The following USP32 variants were observed in gnomAD, a reference collection of about 807,000 sequenced individuals.
The protein encoded by USP32 is ubiquitin specific peptidase 32.
In USP32, 59 loss-of-function variants were observed where a neutral mutation model predicts 204.8. That is an observed-to-expected ratio of 0.29 (90% CI 0.23 to 0.36). The LOEUF (loss-of-function observed/expected upper bound fraction) is 0.36. Among genes scored for constraint, USP32 ranks in the 10% least tolerant of loss-of-function variants. The probability of loss-of-function intolerance (pLI) is 1.00; values close to 1 mark genes in which losing one functional copy is unlikely to be tolerated. For synonymous variants in USP32, 517 were observed against 678.4 expected (o/e 0.76, Z 3.70); for missense variants, 1,160 against 1,946.4 (o/e 0.60, Z 7.60).
chr17:60,193,007 A>C, intron 27 of USP32, 77 bp from the exon 28 acceptor site: 1 of 1,500,436 alleles, frequency 6.7e-7, no homozygotes, highest in Non-Finnish European at 9.2e-7. Context: ...CTTCTCTTGA[A>C]GTAACCCTAG....
chr17:60,366,535 G>A (rs1184235779), intron 1 of USP32, among the ~76,000 whole-genome samples: 2 of 152,108 alleles, frequency 1.3e-5, no homozygotes, highest in African/African-American at 4.8e-5. Flanking sequence ...CAAAGTGCTA[G>A]GGTTACAGGT....
chr17:60,305,444 G>T (rs1442229721), intron 2 of USP32, among the ~76,000 whole-genome samples: 1 of 152,160 alleles, frequency 6.6e-6, no homozygotes, highest in East Asian at 1.9e-4. Context: ...CTGCCCCCAT[G>T]ATCCAAACAC....
chr17:60,276,069 A>G (rs929140027), intron 5 of USP32, among the ~76,000 whole-genome samples: 16 of 152,258 alleles, frequency 1.1e-4, no homozygotes, highest in African/African-American at 3.4e-4. Context: ...TTACTTTGGA[A>G]TGGGATCTAA....
intron 26 of USP32, among the ~76,000 whole-genome samples, chr17:60,204,089 C>T (rs1397065847): frequency 6.6e-6 from 1 of 152,096 alleles, no homozygotes; most frequent in African/African-American, 2.4e-5. Flanking sequence ...AAAGAGTCAA[C>T]CTTTAATGCA....
chr17:60,367,764 C>T (rs2089346421), intron 1 of USP32, among the ~76,000 whole-genome samples: 1 of 152,140 alleles, frequency 6.6e-6, no homozygotes, highest in African/African-American at 2.4e-5. Flanking sequence ...ACTGACATGG[C>T]CCCACTGTAC....
intron 8 of USP32, among the ~76,000 whole-genome samples, 171 bp downstream of exon 8, chr17:60,265,805 C>T (rs2086576427): frequency 6.6e-6 from 1 of 152,192 alleles, no homozygotes; most frequent in Non-Finnish European, 1.5e-5. Flanking sequence ...TTAAGATTTT[C>T]TAAGCCAAAC....
intron 1 of USP32, among the ~76,000 whole-genome samples, chr17:60,353,920 C>T (rs928392399): frequency 1.3e-5 from 2 of 151,934 alleles, no homozygotes; most frequent in South Asian, 2.1e-4. Flanking sequence ...TAGAGGTTAC[C>T]GTGTCTACAC....
At chr17:60,401,319 G>A (rs1284330091) in intron 1 of USP32, among the ~76,000 whole-genome samples, 1 of 152,110 alleles carries the variant, frequency 6.6e-6, no homozygotes, top group Non-Finnish European at 1.5e-5. Context: ...GCAGTGAGCC[G>A]AGATCGCGCC....
chr17:60,219,344 A>G (rs1280153927), intron 16 of USP32, among the ~76,000 whole-genome samples: 2 of 152,164 alleles, frequency 1.3e-5, no homozygotes, highest in Non-Finnish European at 2.9e-5. Flanking sequence ...AAAGAAATAA[A>G]GCATGTAAAA....
intron 26 of USP32, among the ~76,000 whole-genome samples, chr17:60,202,394 G>A (rs1212133707): frequency 6.6e-6 from 1 of 150,796 alleles, no homozygotes; most frequent in Admixed American, 6.6e-5. Context: ...GAGTATCTTG[G>A]TTATTCCTGG....
At position 60,226,226 on chromosome 17, in the gene USP32, G is replaced by A. The variant is rs112329702; in HGVS notation, c.1245C>T (p.Ala415=). 581 of 1,534,490 alleles carry A rather than the reference G, an allele frequency of 3.8e-4. 2 individuals carry two copies. The African/African-American group carries it at 7.3e-3, about 19-fold the overall frequency. The change falls in exon 13 of 34, where the codon GCC becomes GCT. Residue 415 remains alanine, a synonymous_variant. Transcript: ENST00000300896. ...ATGATGGCTCAATTACCACAGGGTT[G>A]GCATCCTAAAATCAGGAAATCAGAG... ...QQWKEYVKYD[A]NPVVIEPSSV...
intron 2 of USP32, among the ~76,000 whole-genome samples, chr17:60,309,406 C>T (rs866456587): frequency 2.0e-5 from 3 of 152,172 alleles, no homozygotes; most frequent in South Asian, 2.1e-4. Flanking sequence ...TCGAGACCAG[C>T]CTGGGCAACA....
chr17:60,383,659 A>G (rs1217327493), intron 1 of USP32, among the ~76,000 whole-genome samples: 1 of 152,274 alleles, frequency 6.6e-6, no homozygotes, highest in Non-Finnish European at 1.5e-5. Flanking sequence ...AATGAGCCAG[A>G]CATGTAAAAA....
At chr17:60,287,129 G>A (rs1306415138) in intron 5 of USP32, among the ~76,000 whole-genome samples, 4 of 152,102 alleles carry the variant, frequency 2.6e-5, no homozygotes, top group African/African-American at 4.8e-5. Context: ...CAGCCTGGGC[G>A]ACACAGCAAT....
chr17:60,197,814 GAAAAAGA>G (rs913658460), intron 27 of USP32, among the ~76,000 whole-genome samples: 1 of 151,952 alleles, frequency 6.6e-6, no homozygotes, highest in African/African-American at 2.4e-5. Context: ...CATGGTAAGG[GAAAAAGA>G]AAAAAGAATG....
At chr17:60,349,643 T>A (rs867481157) in intron 1 of USP32, among the ~76,000 whole-genome samples, 15 of 97,066 alleles carry the variant, frequency 1.5e-4, no homozygotes, top group South Asian at 5.5e-4. Flanking sequence ...TATATATATA[T>A]TATATATATA....
intron 2 of USP32, among the ~76,000 whole-genome samples, chr17:60,336,318 C>A (rs1598260473): frequency 7.0e-6 from 1 of 143,040 alleles, no homozygotes; most frequent in Non-Finnish European, 1.5e-5. Flanking sequence ...TAATAATGCA[C>A]ATATTTTTTA....
At chr17:60,228,738 G>A (rs1366958637) in intron 12 of USP32, among the ~76,000 whole-genome samples, 1 of 151,856 alleles carries the variant, frequency 6.6e-6, no homozygotes, top group Non-Finnish European at 1.5e-5. Context: ...GTGGGAGGAT[G>A]GCCTCAACCC....
intron 11 of USP32, chr17:60,245,669 GCCA>G (rs761892554): frequency 2.1e-4 from 47 of 220,770 alleles, no homozygotes; most frequent in Non-Finnish European, 4.0e-4. Context: ...GGAGATGGCT[GCCA>G]CCTCCGTAGG....
Sources: gnomAD v4.1 joint callset for allele counts (sites outside exome capture counted in the v4.1 genomes callset) on GRCh38, gnomAD v4.1.1 for gene constraint, MANE v1.5 for transcripts, NCBI Gene and HGNC (gene_info 2026-07-23, HGNC 2026-07-21) for gene names.